ACYP2: variants seen among roughly 807,000 people sequenced by gnomAD.
The protein encoded by ACYP2 is acylphosphatase 2.
In ACYP2, 12 loss-of-function variants were observed where a neutral mutation model predicts 11.2. The observed-to-expected ratio is 1.08, with a 90% CI of 0.69 to 1.74. ACYP2 has a LOEUF of 1.74. Ranked by LOEUF, ACYP2 falls within the 40% of genes most tolerant of loss-of-function variation. The pLI, the probability that ACYP2 is intolerant of heterozygous loss-of-function variation, is 0.00. For missense variants in ACYP2, 134 were observed against 101.9 expected, an observed-to-expected ratio of 1.31 and a Z score of -1.35; for synonymous variants, 43 against 32.2, an observed-to-expected ratio of 1.33 and a Z score of -1.13.
intron 2 of ACYP2, among the ~76,000 whole-genome samples, chr2:54,016,464 C>T (rs1369758882): frequency 6.6e-6 from 1 of 151,778 alleles, no homozygotes; most frequent in African/African-American, 2.4e-5. Context: ...GCAATGTGCT[C>T]ACGTGTCTTT....
intron 6 of ACYP2, among the ~76,000 whole-genome samples, chr2:54,237,047 T>C (rs1194770829): frequency 6.6e-6 from 1 of 152,206 alleles, no homozygotes. Flanking sequence ...CAATACAGTA[T>C]GACAACTATT....
At chr2:54,015,677 ACACACACACAC>A (rs1673648230) in intron 2 of ACYP2, among the ~76,000 whole-genome samples, 5 of 151,048 alleles carry the variant, frequency 3.3e-5, no homozygotes, top group African/African-American at 9.8e-5. Flanking sequence ...ACACACACAC[ACACACACACAC>A]GGCAGAATCT....
At chr2:54,025,233 C>T (rs537714205) in intron 2 of ACYP2, among the ~76,000 whole-genome samples, 1 of 152,110 alleles carries the variant, frequency 6.6e-6, no homozygotes, top group African/African-American at 2.4e-5. Flanking sequence ...AAAAATGATC[C>T]TAAAATTCAT....
intron 6 of ACYP2, among the ~76,000 whole-genome samples, chr2:54,299,345 G>C (rs1211977668): frequency 6.6e-6 from 1 of 152,070 alleles, no homozygotes; most frequent in Non-Finnish European, 1.5e-5. Flanking sequence ...TGTAATCCCA[G>C]CACTTTGGGA....
At chr2:54,236,122 G>C (rs537236550) in intron 6 of ACYP2, among the ~76,000 whole-genome samples, 1 of 151,748 alleles carries the variant, frequency 6.6e-6, no homozygotes, top group East Asian at 1.9e-4. Flanking sequence ...TGTTTTTTGA[G>C]ACAGGGTCTC....
At chr2:53,992,861 G>T (rs1039576434) in intron 2 of ACYP2, among the ~76,000 whole-genome samples, 1 of 151,140 alleles carries the variant, frequency 6.6e-6, no homozygotes, top group South Asian at 2.1e-4. Context: ...TTCCAGTGAC[G>T]GGAAGCAAAA....
intron 6 of ACYP2, among the ~76,000 whole-genome samples, chr2:54,232,383 A>AG (rs1344634997): frequency 2.0e-5 from 3 of 152,222 alleles, no homozygotes; most frequent in East Asian, 3.9e-4. Context: ...CACTTAGACC[A>AG]GGGGCTTGGG....
At chr2:54,143,777 A>G (rs1333672920) in intron 6 of ACYP2, among the ~76,000 whole-genome samples, 7 of 90,828 alleles carry the variant, frequency 7.7e-5, no homozygotes, top group East Asian at 2.8e-4. Flanking sequence ...GTATTCTATC[A>G]TGTTTTGATT....
At chr2:54,136,872 A>G (rs1304778096) in intron 5 of ACYP2, among the ~76,000 whole-genome samples, 1 of 152,132 alleles carries the variant, frequency 6.6e-6, no homozygotes, top group Admixed American at 6.5e-5. Context: ...GCTACTTGGG[A>G]GGCTGAGGCA....
At chr2:54,088,385 G>C (rs1678050208) in intron 4 of ACYP2, among the ~76,000 whole-genome samples, 1 of 152,154 alleles carries the variant, frequency 6.6e-6, no homozygotes. Context: ...TGTCCCTCCT[G>C]CTGCAATGAA....
chr2:54,209,502 A>G (rs1302033703), intron 6 of ACYP2, among the ~76,000 whole-genome samples: 5 of 152,208 alleles, frequency 3.3e-5, no homozygotes, highest in Admixed American at 2.6e-4. Flanking sequence ...AACAATATTA[A>G]GACATTGTTT....
chr2:54,208,222 C>T (rs531423784), intron 6 of ACYP2, among the ~76,000 whole-genome samples: 7 of 152,136 alleles, frequency 4.6e-5, no homozygotes, highest in African/African-American at 1.4e-4. Context: ...TATTTCCCCC[C>T]TATATCCCTA....
chr2:54,042,786 G>C (rs775134209), intron 2 of ACYP2, among the ~76,000 whole-genome samples: 18 of 152,154 alleles, frequency 1.2e-4, no homozygotes, highest in Non-Finnish European at 1.9e-4. Flanking sequence ...TCCTTGGCCA[G>C]GGAAAACATA....
At chr2:54,261,489 A>G (rs1687774574) in intron 6 of ACYP2, among the ~76,000 whole-genome samples, 1 of 152,220 alleles carries the variant, frequency 6.6e-6, no homozygotes, top group Admixed American at 6.5e-5. Flanking sequence ...TAATCTGCAC[A>G]TCACAGAATT....
intron 6 of ACYP2, among the ~76,000 whole-genome samples, chr2:54,293,006 C>T (rs968716774): frequency 6.6e-6 from 1 of 152,180 alleles, no homozygotes; most frequent in Non-Finnish European, 1.5e-5. Context: ...TGACTATACC[C>T]TGACATTAGC....
chr2:54,222,630 C>A (rs1685847446), intron 6 of ACYP2, among the ~76,000 whole-genome samples: 1 of 152,002 alleles, frequency 6.6e-6, no homozygotes, highest in South Asian at 2.1e-4. Flanking sequence ...GCTACATAAC[C>A]CAGAGGTCAC....
At position 54,186,338 on chromosome 2, in the gene ACYP2, A is replaced by C. The variant is rs115190031; in HGVS notation, c.404+47590A>C. Among the ~76,000 whole-genome samples, 830 of 152,300 alleles carry C rather than the reference A, an allele frequency of 5.4e-3. 7 individuals carry two copies. Among genetic ancestry groups the C allele is most frequent in the African/African-American group, 0.019 (789 of 41,578 alleles). On this transcript the variant is annotated intron_variant, in intron 6 of 6. Transcript: ENST00000607452. ...AGAAATAGCTTCTCTCAGGCACTGC[A>C]GTTTGTATTGTAAATTGGTATGTAA... is the stretch of plus-strand genomic sequence containing the variant.
chr2:54,059,745 G>T (rs1199499999), intron 4 of ACYP2, among the ~76,000 whole-genome samples: 1 of 152,136 alleles, frequency 6.6e-6, no homozygotes, highest in African/African-American at 2.4e-5. Context: ...CAATTGTGCT[G>T]GGACTCATCC....
chr2:54,115,217 C>G (rs547544581), intron 4 of ACYP2, among the ~76,000 whole-genome samples: 17 of 152,292 alleles, frequency 1.1e-4, no homozygotes, highest in African/African-American at 3.6e-4. Context: ...GCAATGGATA[C>G]GTTAATTTCA....
Sources: allele counts gnomAD v4.1 joint callset (sites outside exome capture counted in the v4.1 genomes callset), GRCh38; gene constraint gnomAD v4.1.1; transcripts MANE v1.5; gene names NCBI Gene and HGNC (gene_info 2026-07-23, HGNC 2026-07-21).